The following ATRNL1 variants were observed in gnomAD, a reference collection of about 807,000 sequenced individuals.
ATRNL1 encodes attractin like 1.
In ATRNL1, 95 loss-of-function variants were observed where a neutral mutation model predicts 182.7. The ratio of observed to expected loss-of-function variants is 0.52; its 90% CI spans 0.44 to 0.62. ATRNL1 has a LOEUF of 0.62. Ranked by LOEUF, ATRNL1 falls within the 20% of genes least tolerant of loss-of-function variation. The pLI, the probability that ATRNL1 is intolerant of heterozygous loss-of-function variation, is 0.00. For missense variants in ATRNL1, 1,471 were observed against 1,679.5 expected, an observed-to-expected ratio of 0.88 and a Z score of 2.17; for synonymous variants, 576 against 568.3, an observed-to-expected ratio of 1.01 and a Z score of -0.19.
chr10:115,918,754 A>G (rs1952955894), intron 28 of ATRNL1, among the ~76,000 whole-genome samples: 1 of 152,112 alleles, frequency 6.6e-6, no homozygotes, highest in Non-Finnish European at 1.5e-5. Flanking sequence ...AGAAGGAGAG[A>G]AATTTTAGTG....
chr10:115,926,321 CG>C (rs57475261), intron 28 of ATRNL1, among the ~76,000 whole-genome samples: 152,219 of 152,230 alleles, frequency 1, 76,104 homozygotes, highest in Middle Eastern at 1. Flanking sequence ...GACCTCAAAT[CG>C]GACACCCTAA....
chr10:115,116,823 A>G (rs1554870097), intron 1 of ATRNL1, among the ~76,000 whole-genome samples: 1 of 152,028 alleles, frequency 6.6e-6, no homozygotes, highest in African/African-American at 2.4e-5. Flanking sequence ...GCTCTTGGTA[A>G]GATCTTTAGT....
At chr10:115,405,570 C>A (rs1391571850) in intron 20 of ATRNL1, among the ~76,000 whole-genome samples, 1 of 152,098 alleles carries the variant, frequency 6.6e-6, no homozygotes, top group East Asian at 1.9e-4. Flanking sequence ...CCTCTCACCT[C>A]AACATAATGT....
intron 5 of ATRNL1, among the ~76,000 whole-genome samples, chr10:115,131,716 TG>T (rs1377980517): frequency 6.6e-6 from 1 of 152,262 alleles, no homozygotes; most frequent in Non-Finnish European, 1.5e-5. Context: ...TTATACAAGG[TG>T]TTATTTGGAA....
At chr10:115,505,266 C>A (rs1260282843) in intron 24 of ATRNL1, among the ~76,000 whole-genome samples, 1 of 76,678 alleles carries the variant, frequency 1.3e-5, no homozygotes, top group African/African-American at 6.3e-5. Context: ...GGAGAATAAT[C>A]ATGATCTTAG....
chr10:115,409,423 G>A (rs1242975184), intron 20 of ATRNL1, among the ~76,000 whole-genome samples: 1 of 152,134 alleles, frequency 6.6e-6, no homozygotes, highest in Admixed American at 6.5e-5. Context: ...TAACCTACAA[G>A]TTTAGTGAAT....
At chr10:115,463,419 T>C (rs1283166383) in intron 22 of ATRNL1, among the ~76,000 whole-genome samples, 7 of 152,174 alleles carry the variant, frequency 4.6e-5, no homozygotes, top group Non-Finnish European at 1.0e-4. Flanking sequence ...TGTTTCTACA[T>C]AGATATATTA....
chr10:115,551,127 C>T lies in ATRNL1; in HGVS notation c.3795+1591C>T, dbSNP rs114143764. ...CTCAGTTGTGGTCTAGTCTTTTGAG[C>T]CCTATAAATGTTTACATGTAGTAGC... On this transcript the variant is annotated intron_variant, in intron 26 of 28. Transcript: ENST00000355044. Among the ~76,000 whole-genome samples, 868 of 151,608 alleles carry T rather than the reference C, an allele frequency of 5.7e-3. 8 individuals are homozygous for T. Among genetic ancestry groups the T allele is most frequent in the African/African-American group, 0.019 (796 of 41,472 alleles).
intron 28 of ATRNL1, among the ~76,000 whole-genome samples, chr10:115,901,488 G>A (rs1467742234): frequency 5.9e-5 from 9 of 152,128 alleles, no homozygotes; most frequent in African/African-American, 2.2e-4. Context: ...AATGGTAACT[G>A]TTAATTGATG....
At chr10:115,478,851 A>T (rs1848640880) in intron 24 of ATRNL1, among the ~76,000 whole-genome samples, 1 of 151,682 alleles carries the variant, frequency 6.6e-6, no homozygotes, top group Non-Finnish European at 1.5e-5. Flanking sequence ...AATATATTTT[A>T]TTACAATTTA....
chr10:115,538,619 G>A (rs1592816116), intron 25 of ATRNL1, among the ~76,000 whole-genome samples: 1 of 151,976 alleles, frequency 6.6e-6, no homozygotes, highest in Non-Finnish European at 1.5e-5. Flanking sequence ...GATGTGATTT[G>A]CAAATATTTT....
intron 24 of ATRNL1, among the ~76,000 whole-genome samples, chr10:115,473,915 A>G (rs1848417586): frequency 6.6e-6 from 1 of 151,226 alleles, no homozygotes; most frequent in African/African-American, 2.4e-5. Context: ...GTCAGTTGTA[A>G]TGTCTCCTTA....
At chr10:115,350,615 T>G (rs1856203387) in intron 19 of ATRNL1, among the ~76,000 whole-genome samples, 2 of 151,970 alleles carry the variant, frequency 1.3e-5, no homozygotes, top group South Asian at 4.1e-4. Context: ...GGCCTCTCTA[T>G]TCTATTGGAC....
chr10:115,208,481 A>G (rs1383555032), intron 8 of ATRNL1, among the ~76,000 whole-genome samples: 1 of 152,098 alleles, frequency 6.6e-6, no homozygotes, highest in African/African-American at 2.4e-5. Context: ...ACACAGTTAA[A>G]TTGCCTTTTA....
chr10:115,376,419 G>T (rs899021748), intron 19 of ATRNL1, among the ~76,000 whole-genome samples: 2 of 152,052 alleles, frequency 1.3e-5, no homozygotes, highest in Non-Finnish European at 2.9e-5. Context: ...TCCCCAAGTA[G>T]CTAGGACTAC....
chr10:115,614,626 A>G (rs1199676760), intron 26 of ATRNL1, among the ~76,000 whole-genome samples: 1 of 152,118 alleles, frequency 6.6e-6, no homozygotes, highest in Non-Finnish European at 1.5e-5. Context: ...TAGAGTGTTC[A>G]AGTACCCAAC....
At chr10:115,908,727 ACT>A (rs1555115139) in intron 28 of ATRNL1, among the ~76,000 whole-genome samples, 2 of 152,082 alleles carry the variant, frequency 1.3e-5, no homozygotes, top group African/African-American at 4.8e-5. Context: ...CCCAGCACAC[ACT>A]GTTAGTTATT....
rs182052525 is a variant in ATRNL1 at position 115,219,583 on chromosome 10, A to G, written c.1532+3703A>G. On this transcript the variant is annotated intron_variant, in intron 9 of 28. Transcript: ENST00000355044. ...CATTCAAAGATTTGAATACTTCTGC[A>G]GCTGTTGTGTTGGTTGTCAACAAAA... Among the ~76,000 whole-genome samples the G allele has an allele frequency of 1.5e-3, 221 of 152,308 alleles. 1 individual carries two copies. The highest frequency in any genetic ancestry group is 2.5e-3 in the Non-Finnish European group (170 of 68,020).
intron 20 of ATRNL1, among the ~76,000 whole-genome samples, chr10:115,399,208 C>T (rs1181608800): frequency 6.6e-6 from 1 of 152,028 alleles, no homozygotes; most frequent in African/African-American, 2.4e-5. Flanking sequence ...CAAGATGAGG[C>T]TGGCCTCATA....
Sources: gnomAD v4.1 joint callset for allele counts (sites outside exome capture counted in the v4.1 genomes callset) on GRCh38, gnomAD v4.1.1 for gene constraint, MANE v1.5 for transcripts, NCBI Gene and HGNC (gene_info 2026-07-23, HGNC 2026-07-21) for gene names.